The following GLP2R variants were observed in gnomAD, a reference collection of about 807,000 sequenced individuals.
GLP2R encodes the protein glucagon-like peptide 2 receptor.
Under a neutral mutation model 68.2 loss-of-function variants are expected in GLP2R, and 59 were observed. That is an observed-to-expected ratio of 0.87 (90% CI 0.70 to 1.07). The LOEUF (loss-of-function observed/expected upper bound fraction) is 1.07, where lower values mean the gene tolerates loss of function less well. Among genes scored for constraint, GLP2R ranks in the 50% least tolerant of loss-of-function variants. GLP2R has a pLI of 0.00. For synonymous variants in GLP2R, 270 were observed against 265.4 expected (o/e 1.02, Z -0.17); for missense variants, 548 against 677.4 (o/e 0.81, Z 2.12).
chr17:9,838,643 A>G (rs76580527), intron 3 of GLP2R, among the ~76,000 whole-genome samples: 1 of 152,236 alleles, frequency 6.6e-6, no homozygotes, highest in East Asian at 1.9e-4. Flanking sequence ...TAAAAAAAAA[A>G]TAGGTTTTGG....
intron 3 of GLP2R, 63 bp from the exon 4 acceptor site, chr17:9,842,432 G>A: frequency 6.2e-7 from 1 of 1,608,706 alleles, no homozygotes; most frequent in South Asian, 1.1e-5. Flanking sequence ...ACAGCTCTGT[G>A]GCATGCTCAG....
intron 3 of GLP2R, among the ~76,000 whole-genome samples, chr17:9,842,051 GC>G (rs1164012205): frequency 2.0e-5 from 3 of 152,072 alleles, no homozygotes; most frequent in Non-Finnish European, 4.4e-5. Flanking sequence ...GGTTAGGAGA[GC>G]TAGGCCCAGG....
At chr17:9,848,826 T>C (rs1273007889) in intron 4 of GLP2R, among the ~76,000 whole-genome samples, 1 of 151,242 alleles carries the variant, frequency 6.6e-6, no homozygotes, top group Non-Finnish European at 1.5e-5. Context: ...AACGAGATGC[T>C]GGGGGTCCTT....
At chr17:9,876,641 G>A (rs2067144596) in intron 10 of GLP2R, among the ~76,000 whole-genome samples, 1 of 152,178 alleles carries the variant, frequency 6.6e-6, no homozygotes, top group African/African-American at 2.4e-5. Flanking sequence ...TTCATGACCT[G>A]TTTCAGGGGA....
intron 1 of GLP2R, among the ~76,000 whole-genome samples, chr17:9,828,268 C>T (rs1404440914): frequency 2.0e-5 from 3 of 152,188 alleles, no homozygotes; most frequent in Non-Finnish European, 4.4e-5. Context: ...GCAGCCTCTC[C>T]CCCAGTGACC....
At position 9,860,073 on chromosome 17, in the gene GLP2R, GT is replaced by G. The variant is rs759708925; in HGVS notation, c.898del (p.Trp300GlyfsTer48). ...EPTVLPERRL[W>X]PRYLLLGWAF... The stretch of plus-strand genomic sequence containing the variant: ...CCACAGTGCTTCCTGAGAGGCGGCT[GT>G]GGCCCAGATACCTGCTGTTGGGTTG... On this transcript the variant is annotated frameshift_variant, in exon 7 of 13. Transcript: ENST00000262441. LOFTEE classifies it high-confidence loss of function. The G allele has an allele frequency of 6.2e-7, 1 of 1,610,440 alleles. No individual in the cohort carries two copies. Among genetic ancestry groups the G allele is most frequent in the Non-Finnish European group, 8.5e-7 (1 of 1,178,226 alleles).
Position 9,854,548 on chromosome 17 carries a change from C to T in GLP2R, c.558C>T (p.Tyr186=), listed in dbSNP as rs1259729111. 3 of 1,612,444 alleles carry T rather than the reference C, an allele frequency of 1.9e-6. No individual in the cohort carries two copies. Among genetic ancestry groups the T allele is most frequent in the Admixed American group, 3.3e-5 (2 of 60,010 alleles). The change falls in exon 5 of 13, where the codon TAC becomes TAT. Residue 186 remains tyrosine, a synonymous_variant. Transcript: ENST00000262441. ...STLQLMYTVG[Y]SFSLISLFLA... ...TGCAGCTGATGTACACCGTGGGATA[C>T]TCCTTCTCTCTTATCTCCCTCTTCC...
chr17:9,842,729 TC>T, intron 4 of GLP2R, 113 bp downstream of exon 4: 1 of 1,169,076 alleles, frequency 8.6e-7, no homozygotes, highest in Non-Finnish European at 1.2e-6. Context: ...CTCCAGCGCC[TC>T]TCCCCGGGGA....
intron 2 of GLP2R, 79 bp downstream of exon 2, chr17:9,833,973 C>G: frequency 1.2e-6 from 1 of 855,944 alleles, no homozygotes; most frequent in Non-Finnish European, 2.0e-6. Context: ...TAACTAGTCA[C>G]TTATTACTTC....
At chr17:9,831,504 G>A (rs1889091157) in intron 1 of GLP2R, among the ~76,000 whole-genome samples, 1 of 152,166 alleles carries the variant, frequency 6.6e-6, no homozygotes, top group Admixed American at 6.5e-5. Flanking sequence ...TCAAGACTCA[G>A]GGAGATGAGT....
chr17:9,849,951 T>C (rs1197580242), intron 4 of GLP2R, among the ~76,000 whole-genome samples: 4 of 152,200 alleles, frequency 2.6e-5, no homozygotes, highest in Non-Finnish European at 5.9e-5. Flanking sequence ...CCACAGTGAA[T>C]AATCTCAGAT....
chr17:9,849,607 CTTTTTT>C (rs57795068), intron 4 of GLP2R, among the ~76,000 whole-genome samples: 7 of 87,120 alleles, frequency 8.0e-5, no homozygotes, highest in Admixed American at 5.2e-4. Flanking sequence ...TTTTCTCTTT[CTTTTTT>C]TTTTTTTTTT....
intron 4 of GLP2R, among the ~76,000 whole-genome samples, chr17:9,846,760 A>G (rs991197028): frequency 6.6e-6 from 1 of 152,242 alleles, no homozygotes; most frequent in Non-Finnish European, 1.5e-5. Flanking sequence ...AAAAAATTCT[A>G]TACCTGAATT....
chr17:9,864,226 C>T (rs1011489649), intron 9 of GLP2R, among the ~76,000 whole-genome samples: 6 of 152,166 alleles, frequency 3.9e-5, no homozygotes, highest in Non-Finnish European at 7.3e-5. Context: ...GTCCTCAGAC[C>T]GGGTAGCACC....
chr17:9,847,110 G>A lies in GLP2R; in HGVS notation c.504+4494G>A, dbSNP rs79186056. ...CGCAGAGGATGCACAGTAGCGCAGC[G>A]TTAGACATGTTTCTCCTCATGCAGA... is the stretch of plus-strand genomic sequence containing the variant. On this transcript the variant is annotated intron_variant, in intron 4 of 12. Transcript: ENST00000262441. Among the ~76,000 whole-genome samples, 642 of 152,296 alleles carry A rather than the reference G, an allele frequency of 4.2e-3. 9 individuals are homozygous for A. The highest frequency in any genetic ancestry group is 0.04 in the East Asian group (205 of 5,180).
intron 10 of GLP2R, 76 bp from the exon 11 acceptor site, chr17:9,880,302 C>A: frequency 1.1e-6 from 1 of 888,950 alleles, no homozygotes; most frequent in South Asian, 1.8e-5. Flanking sequence ...GCAACAAAGT[C>A]ATGGCATGGA....
intron 6 of GLP2R, among the ~76,000 whole-genome samples, chr17:9,858,540 A>C (rs73257139): frequency 0.012 from 1,837 of 152,312 alleles, 41 homozygotes; most frequent in African/African-American, 0.042. Flanking sequence ...CTCTGGAAGA[A>C]TGTATTAAAG....
chr17:9,881,923 TG>T (rs1411409140), intron 11 of GLP2R, among the ~76,000 whole-genome samples: 6 of 151,872 alleles, frequency 4.0e-5, no homozygotes, highest in African/African-American at 1.4e-4. Flanking sequence ...AATGTTGGTG[TG>T]GGGGCAGGAC....
intron 1 of GLP2R, among the ~76,000 whole-genome samples, chr17:9,828,708 C>T (rs527681996): frequency 1.6e-4 from 25 of 152,226 alleles, no homozygotes; most frequent in African/African-American, 4.8e-4. Flanking sequence ...TTTTTTCTTC[C>T]GGAGTGCTCT....
Sources: gnomAD v4.1 joint callset for allele counts (sites outside exome capture counted in the v4.1 genomes callset) on GRCh38, gnomAD v4.1.1 for gene constraint, MANE v1.5 for transcripts, NCBI Gene and HGNC (gene_info 2026-07-23, HGNC 2026-07-21) for gene names.